The following TYW1 variants were observed in gnomAD, a reference collection of about 807,000 sequenced individuals.
TYW1 encodes the protein tRNA-yW synthesizing protein 1 homolog.
TYW1 carries 46 observed loss-of-function variants against 96.2 expected under a neutral mutation model. The ratio of observed to expected loss-of-function variants is 0.48; its 90% CI spans 0.38 to 0.61. The LOEUF (loss-of-function observed/expected upper bound fraction) is 0.61, where lower values mean the gene tolerates loss of function less well. Ranked by LOEUF, TYW1 falls within the 20% of genes least tolerant of loss-of-function variation. TYW1 has a pLI of 0.00. For synonymous variants in TYW1, 274 were observed against 323.0 expected, an observed-to-expected ratio of 0.85 and a Z score of 1.63; for missense variants, 684 against 909.6, an observed-to-expected ratio of 0.75 and a Z score of 3.19.
chr7:67,148,785 G>A (rs62464964), intron 13 of TYW1, among the ~76,000 whole-genome samples: 6,163 of 152,240 alleles, frequency 0.04, 182 homozygotes, highest in Middle Eastern at 0.1. Context: ...TTTTCACCTA[G>A]CAGAGAATTG....
At chr7:67,230,479 A>G (rs531786478) in intron 15 of TYW1, among the ~76,000 whole-genome samples, 68 of 152,120 alleles carry the variant, frequency 4.5e-4, no homozygotes, top group African/African-American at 1.5e-3. Flanking sequence ...AAAAAGCAGC[A>G]GTTCCTTGTA....
At chr7:67,007,690 T>C (rs763130422) in intron 3 of TYW1, among the ~76,000 whole-genome samples, 6 of 152,012 alleles carry the variant, frequency 3.9e-5, no homozygotes, top group Non-Finnish European at 8.8e-5. Flanking sequence ...TGGAGTGCAG[T>C]GTGGCACGAT....
intron 11 of TYW1, among the ~76,000 whole-genome samples, chr7:67,085,756 G>C (rs77200780): frequency 1.3e-5 from 2 of 152,060 alleles, no homozygotes; most frequent in African/African-American, 4.8e-5. Flanking sequence ...ATCACCTGAC[G>C]TCAGGAGTTC....
In TYW1 at chr7:67,149,722, A is replaced by ATCTATC. The variant is rs1554376826; in HGVS notation, c.1698+32105_1698+32106insCTATCT. Among the ~76,000 whole-genome samples the ATCTATC allele has an allele frequency of 4.8e-3, 680 of 140,234 alleles. 6 individuals are homozygous for ATCTATC. Among genetic ancestry groups the ATCTATC allele is most frequent in the African/African-American group, 0.017 (645 of 37,720 alleles). The allele number at this position is 140,234 out of a possible 152,430, so 92.0% of individuals were successfully genotyped here. A position where few individuals can be genotyped will look rare whatever the true frequency, so the allele number is the denominator to read the frequency against. On this transcript the variant is annotated intron_variant, in intron 13 of 15. Transcript: ENST00000359626. ...GGAGCTTGTCAAAAAAGGAAAAAAA[A>ATCTATC]TATCTATCTATCTATCTATCTATCT...
Position 67,239,039 on chromosome 7 carries a change from A to G in TYW1, c.*510A>G. ...AGACAGCACCTCCTGAAAAGAATCG[A>G]AGTTGTCACAACTCTCAATTATTTT... On this transcript the variant is annotated 3_prime_UTR_variant, in exon 16 of 16. Coordinates refer to ENST00000359626, the MANE Select transcript of TYW1 (RefSeq NM_018264.4). 1.0e-6 allele frequency: 1 copy of G among 988,240 alleles called. No homozygotes were observed. The highest frequency in any genetic ancestry group is 1.2e-6 in the Non-Finnish European group (1 of 831,410). 61.2% of individuals were successfully genotyped at this position (988,240 alleles called of 1,614,324 possible).
In TYW1 at chr7:67,095,713, G is replaced by A. The variant is rs1222348022; in HGVS notation, c.1385-2828G>A. ...AACAACAACAACAGCAGCAGCAGCA[G>A]CAGCAGCCCCTATGTCTCGTTCACT... On this transcript the variant is annotated intron_variant, in intron 11 of 15. Coordinates refer to ENST00000359626, the MANE Select transcript of TYW1 (RefSeq NM_018264.4). 7.2e-3 allele frequency among the ~76,000 whole-genome samples: 567 copies of A among 79,102 alleles called. 5 individuals are homozygous for A. Among genetic ancestry groups the A allele is most frequent in the East Asian group, 0.02 (87 of 4,314 alleles). The allele number at this position is 79,102 out of a possible 152,430, so 51.9% of individuals were successfully genotyped here.
chr7:67,122,434 TATATC>T (rs1797787145), intron 13 of TYW1, among the ~76,000 whole-genome samples: 1 of 152,230 alleles, frequency 6.6e-6, no homozygotes. Flanking sequence ...CATTTGGCCT[TATATC>T]AGGTTATAAA....
At chr7:67,190,795 G>A (rs1425373570) in intron 14 of TYW1, among the ~76,000 whole-genome samples, 4 of 152,146 alleles carry the variant, frequency 2.6e-5, no homozygotes, top group South Asian at 2.1e-4. Context: ...ATGTCATAAC[G>A]TCATTATTTA....
chr7:67,220,800 C>T (rs1231786213), intron 15 of TYW1, among the ~76,000 whole-genome samples: 29 of 151,024 alleles, frequency 1.9e-4, no homozygotes, highest in African/African-American at 5.6e-4. Flanking sequence ...TGCAATGGCG[C>T]GATCTCGGCT....
chr7:67,133,643 T>G (rs10237115), intron 13 of TYW1, among the ~76,000 whole-genome samples: 3,097 of 108,056 alleles, frequency 0.029, 280 homozygotes, highest in African/African-American at 0.11. Context: ...AAAAAAAAGT[T>G]TTGGAATTAC....
intron 7 of TYW1, among the ~76,000 whole-genome samples, chr7:67,029,437 A>ACATATATATATATATATATATGT (rs746024597): frequency 6.8e-6 from 1 of 146,560 alleles, no homozygotes; most frequent in African/African-American, 2.5e-5. Flanking sequence ...ATATATAAAT[A>ACATATATATATATATATATATGT]GTATTTTCTA....
In TYW1 at chr7:67,109,215, A is replaced by G. The variant is rs1252609601; in HGVS notation, c.1563-8268A>G. On this transcript the variant is annotated intron_variant, in intron 12 of 15. Coordinates refer to ENST00000359626, the MANE Select transcript of TYW1 (RefSeq NM_018264.4). ...TGTGAACCCGGGAGGCAGAGCTTGC[A>G]GTGAGCCGAGATAGTGCCACTGTAC... 4.2e-5 allele frequency among the ~76,000 whole-genome samples: 6 copies of G among 143,924 alleles called. No homozygotes were observed. The East Asian group carries it at 1.3e-3, about 32-fold the overall frequency. The allele number at this position is 143,924 out of a possible 152,430, so 94.4% of individuals were successfully genotyped here.
chr7:67,051,731 T>C (rs1795366606), intron 8 of TYW1, among the ~76,000 whole-genome samples: 1 of 135,288 alleles, frequency 7.4e-6, no homozygotes, highest in East Asian at 2.4e-4. Flanking sequence ...TTTGTTTTTT[T>C]GTTTTTTTTT....
chr7:67,107,051 A>G (rs930298200), intron 12 of TYW1, among the ~76,000 whole-genome samples: 1 of 152,186 alleles, frequency 6.6e-6, no homozygotes, highest in Non-Finnish European at 1.5e-5. Context: ...CATTCACCCC[A>G]TCTTTTAGAG....
chr7:67,237,929 T>C (rs1801945926), intron 15 of TYW1, among the ~76,000 whole-genome samples: 1 of 152,152 alleles, frequency 6.6e-6, no homozygotes, highest in African/African-American at 2.4e-5. Context: ...GAGGTGCTGT[T>C]AACACAGCCT....
At chr7:67,205,612 G>C (rs1409960016) in intron 15 of TYW1, among the ~76,000 whole-genome samples, 2 of 151,778 alleles carry the variant, frequency 1.3e-5, no homozygotes, top group Non-Finnish European at 2.9e-5. Context: ...TAGGAGTCAA[G>C]AAGAGTGCCT....
chr7:67,053,735 T>A (rs928670449), intron 8 of TYW1, among the ~76,000 whole-genome samples: 3 of 152,178 alleles, frequency 2.0e-5, no homozygotes, highest in African/African-American at 4.8e-5. Context: ...GTTTCTTCTC[T>A]AAATGTCTAG....
At chr7:67,104,761 A>T (rs1288900556) in intron 12 of TYW1, among the ~76,000 whole-genome samples, 2 of 152,242 alleles carry the variant, frequency 1.3e-5, no homozygotes, top group African/African-American at 4.8e-5. Context: ...AATAAAAGTG[A>T]CAAGAATGTG....
chr7:67,070,146 C>T (rs1253643673), intron 10 of TYW1, among the ~76,000 whole-genome samples: 1 of 152,166 alleles, frequency 6.6e-6, no homozygotes, highest in African/African-American at 2.4e-5. Flanking sequence ...TTCTCTCTCG[C>T]TTCTTTCAAG....
Sources: allele counts gnomAD v4.1 joint callset (sites outside exome capture counted in the v4.1 genomes callset), GRCh38; gene constraint gnomAD v4.1.1; transcripts MANE v1.5; gene names NCBI Gene and HGNC (gene_info 2026-07-23, HGNC 2026-07-21).